The following SRPRB variants were observed in gnomAD, a reference collection of about 807,000 sequenced individuals.
SRPRB encodes signal recognition particle receptor subunit beta.
In SRPRB, 20 loss-of-function variants were observed where a neutral mutation model predicts 31.9. The observed-to-expected ratio is 0.63, with a 90% CI of 0.44 to 0.91. SRPRB has a LOEUF of 0.91. Ranked by LOEUF, SRPRB falls within the 40% of genes least tolerant of loss-of-function variation. The pLI is 0.00. For missense variants in SRPRB, 321 were observed against 324.9 expected (o/e 0.99, Z 0.09); for synonymous variants, 146 against 132.8 (o/e 1.10, Z -0.68).
rs75496501 is a variant in SRPRB, at chr3:133,819,918, AT to A, written c.*172del. On this transcript the variant is annotated 3_prime_UTR_variant, in exon 7 of 7. Coordinates refer to ENST00000678299, the MANE Select transcript of SRPRB (RefSeq NM_001379313.1). ...AAAGTACTGTTGAAACCAGCTTGGA[AT>A]TTTTTTTTTTTTTTTTTTTAAGTTC... 128,093 of 539,378 alleles carry A rather than the reference AT, an allele frequency of 0.24. 32 individuals are homozygous for A. Among genetic ancestry groups the A allele is most frequent in the South Asian group, 0.29 (11,898 of 41,496 alleles). The allele number at this position is 539,378 out of a possible 1,614,324, so 33.4% of individuals were successfully genotyped here.
intron 4 of SRPRB, 70 bp from the exon 5 acceptor site, chr3:133,815,520 G>C (rs1008864295): frequency 1.0e-5 from 16 of 1,588,718 alleles, no homozygotes; most frequent in Admixed American, 3.4e-5. Flanking sequence ...AGAAGTTCAG[G>C]ATAGTTTTTC....
At chr3:133,786,371 G>C (rs920809969) in intron 1 of SRPRB, 4 of 152,110 alleles carry the variant, frequency 2.6e-5, no homozygotes, top group Admixed American at 6.5e-5. Flanking sequence ...TTTTGGTTGG[G>C]GGGGGTGGCC....
At chr3:133,805,790 CCTG>C, upstream of SRPRB, 1 of 1,526,418 alleles carries the variant, frequency 6.6e-7, no homozygotes, top group Non-Finnish European at 8.8e-7. Flanking sequence ...GCTCCCCGCG[CCTG>C]CGCAGAGTGC....
rs1241121489 is a variant in SRPRB, at chr3:133,811,350, C to CCAGTTCTG, written c.410+151_410+152insCAGTTCTG. 11 of 611,544 alleles carry CCAGTTCTG rather than the reference C, an allele frequency of 1.8e-5. No homozygotes were observed. In the African/African-American group the frequency reaches 2.0e-4, roughly 11 times the overall value. 37.9% of individuals were successfully genotyped at this position (611,544 alleles called of 1,614,324 possible). Reference sequence around the variant, plus strand: ...CTTGGGGTCAGCCAGTTCTGGGTTGCAAGTCCACCTTCACCTGGATGATGA... The same window carrying CCAGTTCTG: ...CTTGGGGTCAGCCAGTTCTGGGTTGCCAGTTCTGAAGTCCACCTTCACCTGGATGATGA... On this transcript the variant is annotated intron_variant, in intron 4 of 6. Coordinates refer to ENST00000678299, the MANE Select transcript of SRPRB (RefSeq NM_001379313.1).
At chr3:133,801,613 C>T (rs1268053388), upstream of SRPRB, among the ~76,000 whole-genome samples, 3 of 152,170 alleles carry the variant, frequency 2.0e-5, no homozygotes, top group East Asian at 5.8e-4. Context: ...TGGAACTCTC[C>T]GTGTCTGGCT....
At chr3:133,811,290 G>A in intron 4 of SRPRB, 91 bp downstream of exon 4, 1 of 1,360,956 alleles carries the variant, frequency 7.3e-7, no homozygotes, top group Non-Finnish European at 1.0e-6. Flanking sequence ...TGTTTGGGAG[G>A]CAGCATGGTA....
chr3:133,787,166 A>G (rs1197567859), intron 1 of SRPRB: 1 of 152,184 alleles, frequency 6.6e-6, no homozygotes, highest in African/African-American at 2.4e-5. Flanking sequence ...TAATTTTGCA[A>G]CATTTGGTCT....
intron 4 of SRPRB, among the ~76,000 whole-genome samples, chr3:133,812,788 T>A (rs1184845028): frequency 6.6e-6 from 1 of 152,236 alleles, no homozygotes; most frequent in Admixed American, 6.5e-5. Flanking sequence ...TCCTCACATC[T>A]TCCTTTTATT....
At chr3:133,795,458 T>C (rs907429068) in intron 1 of SRPRB, 3 of 151,962 alleles carry the variant, frequency 2.0e-5, no homozygotes, top group Non-Finnish European at 4.4e-5. Flanking sequence ...AACCTACGAA[T>C]GATGTGCTGA....
At chr3:133,789,660 G>C (rs548541364) in intron 1 of SRPRB, 2 of 152,156 alleles carry the variant, frequency 1.3e-5, no homozygotes, top group South Asian at 4.1e-4. Context: ...TAAATAAGTC[G>C]AAGCAATTTT....
chr3:133,804,095 C>CAAA (rs1205426598), upstream of SRPRB, among the ~76,000 whole-genome samples: 84 of 58,064 alleles, frequency 1.4e-3, 1 homozygote, highest in African/African-American at 3.2e-3. Flanking sequence ...GACTCTGTCT[C>CAAA]AAAAAAAAAA....
At position 133,805,865 on chromosome 3, in the gene SRPRB, C is replaced by G. The variant is rs759544533; in HGVS notation, c.17C>G (p.Ser6Trp). 12 of 1,611,532 alleles carry G rather than the reference C, an allele frequency of 7.4e-6. No individual in the cohort carries two copies. The East Asian group carries it at 2.5e-4, about 33-fold the overall frequency. The change falls in exon 1 of 7, where the codon TCG becomes TGG. Residue 6 changes from serine to tryptophan, a missense_variant. Coordinates refer to ENST00000678299, the MANE Select transcript of SRPRB (RefSeq NM_001379313.1). Reference protein sequence around the residue: MASADSRRVADGGGAG... With the variant: MASADWRRVADGGGAG... ...GTCTCATCCATGGCTTCCGCGGACTCGCGCCGGGTGGCAGATGGCGGCGGT... is the reference window on the plus strand; with the variant it reads ...GTCTCATCCATGGCTTCCGCGGACTGGCGCCGGGTGGCAGATGGCGGCGGT...
upstream of SRPRB, among the ~76,000 whole-genome samples, chr3:133,801,408 C>T (rs544137672): frequency 6.6e-6 from 1 of 152,198 alleles, no homozygotes. Context: ...CCTGCTCATT[C>T]CTGAGAATGG....
chr3:133,794,490 C>G (rs1934918625), intron 1 of SRPRB: 1 of 152,210 alleles, frequency 6.6e-6, no homozygotes, highest in Admixed American at 6.5e-5. Context: ...ATTATGCCAC[C>G]AAGTATTTTC....
chr3:133,803,333 T>C (rs1243780964), upstream of SRPRB, among the ~76,000 whole-genome samples: 1 of 152,236 alleles, frequency 6.6e-6, no homozygotes, highest in Non-Finnish European at 1.5e-5. Context: ...CTTAAGTTCC[T>C]CAACATAGCA....
downstream of SRPRB, chr3:133,825,078 A>T (rs1407996078): frequency 6.6e-6 from 1 of 152,076 alleles, no homozygotes; most frequent in Non-Finnish European, 1.5e-5. Flanking sequence ...TGTGCGCACA[A>T]TCTGCTCGGT....
chr3:133,827,093 A>C (rs1383177963), downstream of SRPRB: 1 of 152,618 alleles, frequency 6.6e-6, no homozygotes, highest in Non-Finnish European at 1.5e-5. Flanking sequence ...GCTCTGGCAT[A>C]CAGCCTCCTA....
At chr3:133,797,606 A>C (rs755853654) in intron 1 of SRPRB, among the ~76,000 whole-genome samples, 13 of 152,192 alleles carry the variant, frequency 8.5e-5, no homozygotes, top group Non-Finnish European at 1.9e-4. Flanking sequence ...GAATTTTTAA[A>C]CTTGATGCTG....
chr3:133,806,005 A>T lies in SRPRB; in HGVS notation c.154+3A>T. The T allele has an allele frequency of 1.2e-6, 2 of 1,611,188 alleles. No homozygotes were observed. Among genetic ancestry groups the T allele is most frequent in the Non-Finnish European group, 1.7e-6 (2 of 1,178,332 alleles). On this transcript the variant is annotated splice_donor_region_variant and intron_variant, in intron 1 of 6. Coordinates refer to ENST00000678299, the MANE Select transcript of SRPRB (RefSeq NM_001379313.1). The stretch of plus-strand genomic sequence containing the variant: ...TCTTGCGGTGCTGCTGACGCTAGGT[A>T]AAAGGCGGCCGGTGGTCATGGCGGG...
Sources: gnomAD v4.1 joint callset for allele counts (sites outside exome capture counted in the v4.1 genomes callset) on GRCh38, gnomAD v4.1.1 for gene constraint, MANE v1.5 for transcripts, NCBI Gene and HGNC (gene_info 2026-07-23, HGNC 2026-07-21) for gene names.